Variants in LAMA4 observed in about 807,000 individuals in gnomAD.
LAMA4 encodes the protein laminin subunit alpha 4.
In LAMA4, 127 loss-of-function variants were observed where a neutral mutation model predicts 207.1. The observed-to-expected ratio is 0.61, with a 90% CI of 0.53 to 0.71. The LOEUF is 0.71. Ranked by LOEUF, LAMA4 falls within the 30% of genes least tolerant of loss-of-function variation. The pLI, the probability that LAMA4 is intolerant of heterozygous loss-of-function variation, is 0.00. For synonymous variants in LAMA4, 761 were observed against 816.0 expected, an observed-to-expected ratio of 0.93 and a Z score of 1.15; for missense variants, 2,093 against 2,246.5, an observed-to-expected ratio of 0.93 and a Z score of 1.38.
At chr6:112,123,559 C>A (rs879996949) in intron 31 of LAMA4, among the ~76,000 whole-genome samples, 1 of 152,032 alleles carries the variant, frequency 6.6e-6, no homozygotes, top group Non-Finnish European at 1.5e-5. Flanking sequence ...GACAAAATCC[C>A]CCCCACAAAA....
At chr6:112,253,496 T>G (rs570293806) in intron 2 of LAMA4, 1 of 416,850 alleles carries the variant, frequency 2.4e-6, no homozygotes, top group African/African-American at 2.0e-5. Flanking sequence ...TCACCTTCCC[T>G]GCTGCAGAAG....
rs1256129614 is a variant in LAMA4, at chr6:112,189,133, G to C, written c.791C>G (p.Thr264Arg). 1.2e-6 allele frequency: 2 copies of C among 1,613,480 alleles called. No individual in the cohort carries two copies. The highest frequency in any genetic ancestry group is 1.7e-6 in the Non-Finnish European group (2 of 1,179,554). ...ACTTATGGTTGGGCAGTCCATGCCT[G>C]TAGGGGGTTCAAAACCTTCTTCCAA... ...ECLEEGFEPP[T>R]GMDCPTISCD... Residue 264 changes from threonine to arginine, a missense_variant, in exon 7 of 39, where the codon ACA (threonine) becomes AGA (arginine). Thr to Arg is a moderately conservative substitution (Grantham distance 71). Transcript: ENST00000230538.
In LAMA4 at chr6:112,132,758, A is replaced by G. The variant is rs2114655811; in HGVS notation, c.3829T>C (p.Ser1277Pro). ...AGAGAAAAACAAACACTTACCCCTG[A>G]AGCATAATAGAATAGTAACCCATTT... is the stretch of plus-strand genomic sequence containing the variant. ...QPNGLLFYYA[S>P]GSDVFSISLD... The change falls in exon 28 of 39, where the codon TCA (serine) becomes CCA (proline). Residue 1277 changes from serine to proline, a missense_variant. Around this residue, in one of 3 missense-constraint regions of LAMA4, gnomAD observed 1,704 missense variants for 1,788.4 expected, o/e 0.95. Coordinates refer to ENST00000230538, the MANE Select transcript of LAMA4 (RefSeq NM_001105206.3). The G allele has an allele frequency of 6.2e-7, 1 of 1,612,904 alleles. No homozygotes were observed. The highest frequency in any genetic ancestry group is 8.5e-7 in the Non-Finnish European group (1 of 1,179,216).
At chr6:112,200,576 T>C (rs1424659281) in intron 5 of LAMA4, among the ~76,000 whole-genome samples, 1 of 152,212 alleles carries the variant, frequency 6.6e-6, no homozygotes, top group Non-Finnish European at 1.5e-5. Context: ...TAAAGACACA[T>C]GCACACATAT....
intron 7 of LAMA4, among the ~76,000 whole-genome samples, chr6:112,187,877 T>A (rs1782788597): frequency 6.6e-6 from 1 of 152,096 alleles, no homozygotes. Context: ...GCACAGCTCC[T>A]CCTCACAGCC....
intron 4 of LAMA4, among the ~76,000 whole-genome samples, chr6:112,203,864 T>C (rs1783903103): frequency 6.6e-6 from 1 of 152,202 alleles, no homozygotes; most frequent in African/African-American, 2.4e-5. Flanking sequence ...TGTCTGTGAA[T>C]ATGCATCTAG....
intron 21 of LAMA4, 69 bp downstream of exon 21, chr6:112,141,289 C>A: frequency 7.3e-7 from 1 of 1,363,354 alleles, no homozygotes. Flanking sequence ...TGTGTGCACG[C>A]ACATGTGCAC....
chr6:112,192,262 C>T (rs1187928872), intron 5 of LAMA4, among the ~76,000 whole-genome samples: 1 of 152,232 alleles, frequency 6.6e-6, no homozygotes, highest in Non-Finnish European at 1.5e-5. Flanking sequence ...AAACATTGAT[C>T]AGTCTAGTCA....
Position 112,111,450 on chromosome 6 carries a change from A to G in LAMA4, c.5327-1868T>C, listed in dbSNP as rs941179810. ...AATTTTATGCGTTAGCTTTTTATGG[A>G]TAGAAATAATGAGTCACCAGAGTTC... On this transcript the variant is annotated intron_variant, in intron 38 of 38. Transcript: ENST00000230538. Among the ~76,000 whole-genome samples the G allele has an allele frequency of 4.6e-5, 7 of 152,226 alleles. No homozygotes were observed. In the South Asian group the frequency reaches 1.4e-3, roughly 32 times the overall value.
At chr6:112,220,197 C>A (rs1460327166) in intron 2 of LAMA4, among the ~76,000 whole-genome samples, 2 of 152,072 alleles carry the variant, frequency 1.3e-5, no homozygotes, top group Non-Finnish European at 2.9e-5. Flanking sequence ...TCTCTTTGAC[C>A]AATTACCTTC....
At chr6:112,194,826 C>T (rs1554350032) in intron 5 of LAMA4, among the ~76,000 whole-genome samples, 2 of 152,056 alleles carry the variant, frequency 1.3e-5, no homozygotes, top group Non-Finnish European at 2.9e-5. Context: ...GCCCTGGTGC[C>T]CAGTAGCCTG....
At position 112,156,847 on chromosome 6, in the gene LAMA4, C is replaced by T. The variant is rs1314809579; in HGVS notation, c.1818-1141G>A. On this transcript the variant is annotated intron_variant, in intron 14 of 38. Transcript: ENST00000230538. ...TTTCTCTATATTTCTTTGGCTACTT[C>T]CCTCTCTGTTAACCAAGTCTATAAT... Among the ~76,000 whole-genome samples the T allele has an allele frequency of 2.0e-5, 3 of 152,126 alleles. 1 individual carries two copies. Among genetic ancestry groups the T allele is most frequent in the Admixed American group, 2.0e-4 (3 of 15,266 alleles).
intron 9 of LAMA4, among the ~76,000 whole-genome samples, chr6:112,181,006 G>T (rs782025622): frequency 5.3e-5 from 8 of 152,138 alleles, no homozygotes; most frequent in Non-Finnish European, 8.8e-5. Context: ...ATCCATTCGT[G>T]TTCGTAGTCT....
intron 31 of LAMA4, among the ~76,000 whole-genome samples, 175 bp downstream of exon 31, chr6:112,128,747 C>T (rs1417122060): frequency 6.6e-6 from 1 of 152,110 alleles, no homozygotes; most frequent in African/African-American, 2.4e-5. Context: ...GCTTCTATAA[C>T]AAAGAATTAA....
chr6:112,193,122 C>T (rs996570212), intron 5 of LAMA4, among the ~76,000 whole-genome samples: 1 of 152,114 alleles, frequency 6.6e-6, no homozygotes, highest in Non-Finnish European at 1.5e-5. Context: ...CTGGAAAGAA[C>T]ATGTGGTCAC....
intron 5 of LAMA4, among the ~76,000 whole-genome samples, chr6:112,194,853 C>T (rs193283565): frequency 2.0e-5 from 3 of 152,180 alleles, no homozygotes; most frequent in Non-Finnish European, 2.9e-5. Flanking sequence ...TTTTTTCTTC[C>T]GTAATCTCAT....
At chr6:112,252,087 C>G (rs3208829) in intron 2 of LAMA4, among the ~76,000 whole-genome samples, 40,656 of 152,174 alleles carry the variant, frequency 0.27, 6,520 homozygotes, top group Non-Finnish European at 0.37. Flanking sequence ...TGTAACAACT[C>G]TTGGCATATA....
At chr6:112,195,378 G>A (rs779392030) in intron 5 of LAMA4, among the ~76,000 whole-genome samples, 23 of 152,210 alleles carry the variant, frequency 1.5e-4, no homozygotes, top group Non-Finnish European at 2.6e-4. Context: ...GCAAGCTAGA[G>A]AGTAAGGAAT....
At position 112,114,200 on chromosome 6, in the gene LAMA4, A is replaced by G. The variant is rs782710303; in HGVS notation, c.5207-5T>C. 1 of 1,613,674 alleles carries G rather than the reference A, an allele frequency of 6.2e-7. No homozygotes were observed. The highest frequency in any genetic ancestry group is 1.1e-5 in the South Asian group (1 of 91,076). On this transcript the variant is annotated splice_polypyrimidine_tract_variant and splice_region_variant and intron_variant, in intron 37 of 38. Coordinates refer to ENST00000230538, the MANE Select transcript of LAMA4 (RefSeq NM_001105206.3). ...CCACATTAGAATCTCTAATAACTGA[A>G]ATGCAGGGCAAAGACTGGTCATAAG...
Sources: allele counts gnomAD v4.1 joint callset (sites outside exome capture counted in the v4.1 genomes callset), GRCh38; gene constraint gnomAD v4.1.1; regional missense constraint gnomAD v4.1.1; transcripts MANE v1.5; gene names NCBI Gene and HGNC (gene_info 2026-07-23, HGNC 2026-07-21).